The following KCNJ15 variants were observed in gnomAD, a reference collection of about 807,000 sequenced individuals.
KCNJ15 encodes ATP-sensitive inward rectifier potassium channel 15.
A neutral mutation model predicts 23.0 loss-of-function variants in KCNJ15; 14 were observed. The observed-to-expected ratio is 0.61, with a 90% confidence interval of 0.40 to 0.95. KCNJ15 has a LOEUF of 0.95. Ranked by LOEUF, KCNJ15 falls within the 40% of genes least tolerant of loss-of-function variation. The pLI is 0.00. For synonymous variants in KCNJ15, 185 were observed against 183.2 expected, an observed-to-expected ratio of 1.01 and a Z score of -0.08; for missense variants, 388 against 461.8, an observed-to-expected ratio of 0.84 and a Z score of 1.46.
At chr21:38,244,021 G>T (rs895379410) in intron 1 of KCNJ15, among the ~76,000 whole-genome samples, 3 of 152,120 alleles carry the variant, frequency 2.0e-5, no homozygotes, top group African/African-American at 4.8e-5. Flanking sequence ...ATAAAGATTT[G>T]CTAAGTGACC....
At position 38,278,930 on chromosome 21, in the gene KCNJ15, TG is replaced by T. The variant is rs1286636934; in HGVS notation, c.-116-17995del. Among the ~76,000 whole-genome samples, 6 of 152,208 alleles carry T rather than the reference TG, an allele frequency of 3.9e-5. No individual in the cohort carries two copies. In the East Asian group the frequency reaches 1.2e-3, roughly 29 times the overall value. ...CGGCAGAGTGCTTTAGGGACACCACTGAGGAGGGACTATGAAGGATGCTATA... is the reference window on the plus strand; with the variant it reads ...CGGCAGAGTGCTTTAGGGACACCACTAGGAGGGACTATGAAGGATGCTATA... On this transcript the variant is annotated intron_variant, in intron 1 of 2. Transcript: ENST00000398938.
intron 1 of KCNJ15, among the ~76,000 whole-genome samples, chr21:38,265,545 C>T (rs928770): frequency 0.21 from 31,207 of 152,124 alleles, 3,532 homozygotes; most frequent in East Asian, 0.44. Flanking sequence ...TTTAAATCAA[C>T]TCTCACTCAG....
Position 38,299,590 on chromosome 21 carries a change from A to T in KCNJ15, c.329A>T (p.Lys110Ile). 6.2e-7 allele frequency: 1 copy of T among 1,614,088 alleles called. No homozygotes were observed. The stretch of plus-strand genomic sequence containing the variant: ...TCAAATCATACCCCCTGCATCATGA[A>T]AGTGGACTCTCTCACTGGGGCGTTT... ...PISNHTPCIM[K>I]VDSLTGAFLF... Residue 110 changes from lysine (K) to isoleucine (I), a missense_variant, in exon 3 of 3, where the codon AAA becomes ATA. Lys to Ile is a moderately radical substitution (Grantham distance 102). Coordinates refer to ENST00000398938, the MANE Select transcript of KCNJ15 (RefSeq NM_170736.3). This position sits in a 1 kb window ranked among gnomAD's most constrained non-coding sequence, Gnocchi z 4.5.
chr21:38,291,212 C>A (rs560284516), intron 1 of KCNJ15, among the ~76,000 whole-genome samples: 4 of 152,244 alleles, frequency 2.6e-5, no homozygotes, highest in Middle Eastern at 3.4e-3. Flanking sequence ...GTATGGAACA[C>A]CTGAATCACA....
chr21:38,296,079 G>A (rs1440186312), intron 1 of KCNJ15, among the ~76,000 whole-genome samples: 1 of 152,142 alleles, frequency 6.6e-6, no homozygotes, highest in Non-Finnish European at 1.5e-5. Context: ...ATATATGGAT[G>A]TAGACAGATG....
intron 1 of KCNJ15, among the ~76,000 whole-genome samples, chr21:38,251,457 T>C (rs1002420588): frequency 6.6e-6 from 1 of 152,198 alleles, no homozygotes. Flanking sequence ...GGACCTAGAA[T>C]CACCAACTAA....
chr21:38,286,340 G>A (rs1388522346), intron 1 of KCNJ15, among the ~76,000 whole-genome samples: 1 of 152,200 alleles, frequency 6.6e-6, no homozygotes, highest in Non-Finnish European at 1.5e-5. Context: ...CAAGCATTAT[G>A]TATGTATCTG....
chr21:38,249,871 G>C (rs1468826395), intron 1 of KCNJ15, among the ~76,000 whole-genome samples: 1 of 152,206 alleles, frequency 6.6e-6, no homozygotes, highest in Non-Finnish European at 1.5e-5. Context: ...ATCTTGGACA[G>C]CTTTCTCTTT....
chr21:38,296,552 C>T (rs1350143287), intron 1 of KCNJ15: 1 of 152,372 alleles, frequency 6.6e-6, no homozygotes, highest in South Asian at 2.1e-4. Context: ...TTTCCACAGG[C>T]GGTAAAAATA....
At chr21:38,248,469 C>T (rs1197933067) in intron 1 of KCNJ15, among the ~76,000 whole-genome samples, 1 of 152,222 alleles carries the variant, frequency 6.6e-6, no homozygotes, top group African/African-American at 2.4e-5. Flanking sequence ...AACTATTTAA[C>T]TATTCAAGTG....
At chr21:38,230,900 A>C (rs1040323250) in intron 1 of KCNJ15, among the ~76,000 whole-genome samples, 1 of 152,050 alleles carries the variant, frequency 6.6e-6, no homozygotes, top group Admixed American at 6.5e-5. Flanking sequence ...TGGCTACTCT[A>C]GTTCCTTTGA....
intron 1 of KCNJ15, among the ~76,000 whole-genome samples, chr21:38,279,313 CA>C (rs1983082659): frequency 6.6e-6 from 1 of 152,038 alleles, no homozygotes; most frequent in Non-Finnish European, 1.5e-5. Context: ...ATCTGGAACA[CA>C]AAAAGTCTAG....
chr21:38,256,062 G>A (rs1443239054), upstream of KCNJ15, among the ~76,000 whole-genome samples: 1 of 152,112 alleles, frequency 6.6e-6, no homozygotes, highest in Non-Finnish European at 1.5e-5. Context: ...CGATCCCCAT[G>A]CAGTCTGGCC....
intron 1 of KCNJ15, among the ~76,000 whole-genome samples, chr21:38,259,462 T>C (rs1375039096): frequency 6.6e-6 from 1 of 152,346 alleles, no homozygotes; most frequent in African/African-American, 2.4e-5. Context: ...CCTGCAGCAA[T>C]TCAAGCATTG....
chr21:38,297,533 G>C (rs1462112598), intron 2 of KCNJ15, among the ~76,000 whole-genome samples: 1 of 152,220 alleles, frequency 6.6e-6, no homozygotes, highest in African/African-American at 2.4e-5. Context: ...CAGACAGGCT[G>C]CATTTGTCTC....
intron 1 of KCNJ15, among the ~76,000 whole-genome samples, chr21:38,281,020 G>A (rs1289499653): frequency 6.6e-6 from 1 of 152,172 alleles, no homozygotes; most frequent in Admixed American, 6.5e-5. Context: ...TGCAGAGTGT[G>A]AGCTTTCACC....
chr21:38,250,194 C>T (rs542115500), intron 1 of KCNJ15, among the ~76,000 whole-genome samples: 1 of 152,282 alleles, frequency 6.6e-6, no homozygotes, highest in Admixed American at 6.5e-5. Context: ...GTTGTTTACC[C>T]AGTTCTGCTA....
At chr21:38,236,525 C>A (rs1196102459) in intron 1 of KCNJ15, among the ~76,000 whole-genome samples, 3 of 152,102 alleles carry the variant, frequency 2.0e-5, no homozygotes, top group African/African-American at 7.2e-5. Flanking sequence ...TTCTTAAGCC[C>A]ATTAACAGCA....
intron 1 of KCNJ15, among the ~76,000 whole-genome samples, chr21:38,235,002 C>T (rs1009180208): frequency 1.3e-5 from 2 of 152,090 alleles, no homozygotes; most frequent in Non-Finnish European, 2.9e-5. Flanking sequence ...GATATGATGT[C>T]TCGACACCCA....
Sources: gnomAD v4.1 joint callset for allele counts (sites outside exome capture counted in the v4.1 genomes callset) on GRCh38, gnomAD v4.1.1 for gene constraint, Gnocchi (gnomAD v3.1) non-coding constraint, MANE v1.5 for transcripts, NCBI Gene and HGNC (gene_info 2026-07-23, HGNC 2026-07-21) for gene names.